Variants in PGAP2 observed in about 807,000 individuals in gnomAD.
PGAP2 encodes the protein post-GPI attachment to proteins 2.
PGAP2 carries 21 observed loss-of-function variants against 33.2 expected under a neutral mutation model. The observed-to-expected ratio is 0.63, with a 90% CI of 0.45 to 0.91. The LOEUF is 0.91. Ranked by LOEUF, PGAP2 falls within the 40% of genes least tolerant of loss-of-function variation. The pLI, the probability that PGAP2 is intolerant of heterozygous loss-of-function variation, is 0.00. For synonymous variants in PGAP2, 161 were observed against 172.9 expected (o/e 0.93, Z 0.54); for missense variants, 345 against 424.0 (o/e 0.81, Z 1.64).
Position 3,824,100 on chromosome 11 carries a change from T to C in PGAP2, c.566T>C (p.Leu189Pro). 1 of 1,614,184 alleles carries C rather than the reference T, an allele frequency of 6.2e-7. No homozygotes were observed. The highest frequency in any genetic ancestry group is 8.5e-7 in the Non-Finnish European group (1 of 1,180,036). ...AATGTCGTGGAGAACCTCGCGTTGC[T>C]AGTGCTCACTTATGTCTCCTCCTCC... ...GLNVVENLALLVLTYVSSSED... is the reference protein window; with the variant it reads ...GLNVVENLALPVLTYVSSSED... The change falls in exon 4 of 7, where the codon CTA (leucine) becomes CCA (proline). Residue 189 changes from leucine (L) to proline (P), a missense_variant. Leu to Pro is a moderately conservative substitution (Grantham distance 98). This residue lies in a region of PGAP2 where 311 missense variants were observed against 353.6 expected (regional missense o/e 0.88). Coordinates refer to ENST00000278243, the MANE Select transcript of PGAP2 (RefSeq NM_014489.4).
At chr11:3,807,728 T>C (rs2084674551), upstream of PGAP2, among the ~76,000 whole-genome samples, 1 of 152,162 alleles carries the variant, frequency 6.6e-6, no homozygotes, top group African/African-American at 2.4e-5. Context: ...CGATGTTAGG[T>C]ATGGCTAACT....
chr11:3,804,767 T>C (rs113603538), upstream of PGAP2, among the ~76,000 whole-genome samples: 4,187 of 152,328 alleles, frequency 0.027, 200 homozygotes, highest in African/African-American at 0.094. Context: ...AGTGGCGCAA[T>C]GTTGGCTCAC....
chr11:3,813,377 C>T (rs58078506), intron 2 of PGAP2, among the ~76,000 whole-genome samples: 4,125 of 150,056 alleles, frequency 0.027, 188 homozygotes, highest in African/African-American at 0.093. Context: ...CCACTACACC[C>T]AGCTTAATTA....
At chr11:3,812,524 A>C (rs1027482185) in intron 2 of PGAP2, among the ~76,000 whole-genome samples, 1 of 151,980 alleles carries the variant, frequency 6.6e-6, no homozygotes, top group Non-Finnish European at 1.5e-5. Context: ...TAGTTTAGGG[A>C]GGATGATGAA....
chr11:3,801,147 AAAAG>A (rs1385955311), intron 1 of PGAP2, among the ~76,000 whole-genome samples: 2 of 148,378 alleles, frequency 1.3e-5, no homozygotes, highest in African/African-American at 4.9e-5. Context: ...AAAAAAAAAG[AAAAG>A]AAAGGAAAGA....
intron 6 of PGAP2, 40 bp from the exon 7 acceptor site, chr11:3,825,287 TG>T: frequency 2.5e-6 from 4 of 1,603,096 alleles, no homozygotes; most frequent in Non-Finnish European, 3.4e-6. Flanking sequence ...AGCGGGTAGC[TG>T]GAAGTTCACC....
At chr11:3,806,703 C>T (rs1387278762), upstream of PGAP2, among the ~76,000 whole-genome samples, 1 of 152,142 alleles carries the variant, frequency 6.6e-6, no homozygotes, top group East Asian at 1.9e-4. Flanking sequence ...AACTTGGTTT[C>T]CCTGTTTTCC....
rs1316682518 is a variant in PGAP2, at chr11:3,823,054, T to TTTTTG, written c.349-829_349-828insTTTTG. 1.6e-4 allele frequency: 91 copies of TTTTTG among 565,068 alleles called. 2 individuals are homozygous for TTTTTG. The African/African-American group carries it at 2.1e-3, about 13-fold the overall frequency. 35.0% of individuals were successfully genotyped at this position (565,068 alleles called of 1,614,324 possible). A position where few individuals can be genotyped will look rare whatever the true frequency, so the allele number is the denominator to read the frequency against. On this transcript the variant is annotated intron_variant, in intron 3 of 6. Coordinates refer to ENST00000278243, the MANE Select transcript of PGAP2 (RefSeq NM_014489.4). ...TTTTTTTTTTTTTTTTTTTTTTTTT[T>TTTTTG]GAGACAGAGTCTCACTCTGTTGCCC...
chr11:3,805,796 C>T (rs183611473), upstream of PGAP2, among the ~76,000 whole-genome samples: 17 of 151,906 alleles, frequency 1.1e-4, no homozygotes, highest in African/African-American at 4.1e-4. Flanking sequence ...AGGTGATTCT[C>T]CTGCCTCAGC....
At chr11:3,800,364 T>C (rs1209759019) in intron 1 of PGAP2, among the ~76,000 whole-genome samples, 1 of 152,200 alleles carries the variant, frequency 6.6e-6, no homozygotes, top group Non-Finnish European at 1.5e-5. Flanking sequence ...CATTAGATAT[T>C]TGATGCACGA....
rs2089927249 is a variant in PGAP2 at position 3,825,784 on chromosome 11, C to T, written c.*326C>T. The T allele has an allele frequency of 4.3e-6, 1 of 234,198 alleles. No individual in the cohort carries two copies. The highest frequency in any genetic ancestry group is 2.3e-5 in the African/African-American group (1 of 44,374). 14.5% of individuals were successfully genotyped at this position (234,198 alleles called of 1,614,324 possible). On this transcript the variant is annotated 3_prime_UTR_variant, in exon 7 of 7. Transcript: ENST00000278243. ...CCAGTTTCTGGCCTTTACACAGTCA[C>T]CTTTCACTGAGGTCAGGAGCCCCTG...
intron 1 of PGAP2, among the ~76,000 whole-genome samples, chr11:3,800,786 T>C (rs2083321989): frequency 7.5e-6 from 1 of 132,508 alleles, no homozygotes; most frequent in Non-Finnish European, 1.5e-5. Context: ...CACTCGATCC[T>C]GGGCCACAGA....
rs568920358 is a variant in PGAP2, at chr11:3,816,619, A to G, written c.166-734A>G. On this transcript the variant is annotated intron_variant, in intron 2 of 6. Coordinates refer to ENST00000278243, the MANE Select transcript of PGAP2 (RefSeq NM_014489.4). The stretch of plus-strand genomic sequence containing the variant: ...GGATTGGGTGACATTGCATCTCCTC[A>G]GAGAGGGAGGAGATGTAGGTCTGGG... 2.6e-5 allele frequency among the ~76,000 whole-genome samples: 4 copies of G among 152,220 alleles called. No homozygotes were observed. The East Asian group carries it at 7.7e-4, about 29-fold the overall frequency.
chr11:3,822,160 T>C (rs61899365), intron 3 of PGAP2, among the ~76,000 whole-genome samples: 56,337 of 151,230 alleles, frequency 0.37, 10,379 homozygotes, highest in East Asian at 0.4. Context: ...GTCAGGAGAT[T>C]GAGACCATCC....
intron 1 of PGAP2, chr11:3,798,239 G>T (rs911140322): frequency 1.1e-6 from 1 of 892,210 alleles, no homozygotes; most frequent in African/African-American, 1.8e-5. Context: ...CATTAGAGAT[G>T]CCCTAAGGGA....
chr11:3,825,426 A>G lies in PGAP2; in HGVS notation c.916A>G (p.Ile306Val). 1.2e-6 allele frequency: 2 copies of G among 1,613,836 alleles called. No homozygotes were observed. Among genetic ancestry groups the G allele is most frequent in the South Asian group, 1.1e-5 (1 of 91,046 alleles). ...WWDFGNKELLITSQPEEKRF is the reference protein window; with the variant it reads ...WWDFGNKELLVTSQPEEKRF ...GGACTTCGGGAACAAGGAGCTGCTCATAACCTCTCAGCCTGAGGAAAAGCG... is the reference window on the plus strand; with the variant it reads ...GGACTTCGGGAACAAGGAGCTGCTCGTAACCTCTCAGCCTGAGGAAAAGCG... Residue 306 changes from isoleucine (I) to valine (V), a missense_variant, in exon 7 of 7, where the codon ATA (isoleucine) becomes GTA (valine). By Grantham distance (29) the Ile-to-Val change is conservative (BLOSUM62 3). This residue lies in a region of PGAP2 where 311 missense variants were observed against 353.6 expected (regional missense o/e 0.88). Transcript: ENST00000278243.
At chr11:3,818,826 A>T (rs184115583) in intron 3 of PGAP2, among the ~76,000 whole-genome samples, 3 of 152,278 alleles carry the variant, frequency 2.0e-5, no homozygotes, top group East Asian at 3.9e-4. Flanking sequence ...TATTATGATT[A>T]AAAAAAGAGT....
At chr11:3,798,001 C>T in intron 1 of PGAP2, 2 of 1,536,908 alleles carry the variant, frequency 1.3e-6, no homozygotes, top group Non-Finnish European at 1.8e-6. Context: ...TCGACCCTTT[C>T]CTTGCCCCGG....
rs2089586146 is a variant in PGAP2 at position 3,824,336 on chromosome 11, T to C, written c.668T>C (p.Ile223Thr). 6.2e-7 allele frequency: 1 copy of C among 1,614,128 alleles called. No individual in the cohort carries two copies. Among genetic ancestry groups the C allele is most frequent in the Non-Finnish European group, 8.5e-7 (1 of 1,180,050 alleles). Residue 223 changes from isoleucine to threonine, a missense_variant, in exon 5 of 7, where the codon ATT (isoleucine) becomes ACT (threonine). By Grantham distance (89) the Ile-to-Thr change is moderately conservative. Transcript: ENST00000278243. ...CTCGGGCACATGCTCCTCACCTGCA[T>C]TCTCTGGCGGTTGACCAAGAAGCAC... ...SSLGHMLLTC[I>T]LWRLTKKHTV...
Sources: gnomAD v4.1 joint callset for allele counts (sites outside exome capture counted in the v4.1 genomes callset) on GRCh38, gnomAD v4.1.1 for gene constraint, gnomAD v4.1.1 regional missense constraint, MANE v1.5 for transcripts, NCBI Gene and HGNC (gene_info 2026-07-23, HGNC 2026-07-21) for gene names.